ANKS3: variants seen among roughly 807,000 people sequenced by gnomAD.
ANKS3 encodes the protein ankyrin repeat and sterile alpha motif domain containing 3.
Under a neutral mutation model 80.7 loss-of-function variants are expected in ANKS3, and 62 were observed. The ratio of observed to expected loss-of-function variants is 0.77; its 90% confidence interval spans 0.63 to 0.95. The LOEUF is 0.95. Among genes scored for constraint, ANKS3 ranks in the 40% least tolerant of loss-of-function variants. ANKS3 has a pLI of 0.00. For synonymous variants in ANKS3, 489 were observed against 355.3 expected (o/e 1.38, Z -4.23); for missense variants, 1,150 against 883.6 (o/e 1.30, Z -3.82).
chr16:4,698,306 G>T lies in ANKS3; in HGVS notation c.1724+121C>A, dbSNP rs528344336. On this transcript the variant is annotated intron_variant, in intron 14 of 17. Transcript: ENST00000304283. Reference sequence around the variant, plus strand: ...GGGCCTGATGAAATGGGGGTGGGGTGGCTCCAGACCCTGAAATCCACCCCT... The same window carrying T: ...GGGCCTGATGAAATGGGGGTGGGGTTGCTCCAGACCCTGAAATCCACCCCT... 413 of 1,346,910 alleles carry T rather than the reference G, an allele frequency of 3.1e-4. 3 individuals are homozygous for T. The African/African-American group carries it at 5.2e-3, about 17-fold the overall frequency. 83.4% of individuals were successfully genotyped at this position (1,346,910 alleles called of 1,614,324 possible).
intron 5 of ANKS3, among the ~76,000 whole-genome samples, chr16:4,726,224 C>T (rs557762420): frequency 6.6e-6 from 1 of 152,274 alleles, no homozygotes; most frequent in African/African-American, 2.4e-5. Flanking sequence ...GATCTGCCTA[C>T]CTCGGCCTCC....
In ANKS3 at chr16:4,696,646, G is replaced by C. The variant is rs1011302815; in HGVS notation, c.*262C>G. On this transcript the variant is annotated 3_prime_UTR_variant, in exon 18 of 18. Transcript: ENST00000304283. ...TCCCCCCAGGGCCCTGCCTGGTATG[G>C]GCCAGGGCAGCCCATGAACTCTGGG... 17 of 299,874 alleles carry C rather than the reference G, an allele frequency of 5.7e-5. No homozygotes were observed. The highest frequency in any genetic ancestry group is 3.3e-4 in the African/African-American group (15 of 45,980). The allele number at this position is 299,874 out of a possible 1,614,324, so 18.6% of individuals were successfully genotyped here.
intron 14 of ANKS3, 149 bp from the exon 15 acceptor site, chr16:4,698,211 A>G (rs746202727): frequency 4.4e-5 from 50 of 1,129,040 alleles, no homozygotes; most frequent in African/African-American, 1.1e-4. Flanking sequence ...AGGCTGCACT[A>G]AAGAGCAGGA....
intron 6 of ANKS3, among the ~76,000 whole-genome samples, chr16:4,723,288 C>T (rs2081194498): frequency 6.6e-6 from 1 of 152,244 alleles, no homozygotes. Context: ...CCCCAATCTT[C>T]CCATTCCCCA....
Position 4,699,039 on chromosome 16 carries a change from C to T in ANKS3, c.1409+13G>A. On this transcript the variant is annotated intron_variant, in intron 12 of 17. Transcript: ENST00000304283. The stretch of plus-strand genomic sequence containing the variant: ...CCCCGGGCTGAGGGCCAGAGCGGCC[C>T]TTCTGGACGCACGTGATGCCAATTT... 4 of 1,614,168 alleles carry T rather than the reference C, an allele frequency of 2.5e-6. No homozygotes were observed. The highest frequency in any genetic ancestry group is 3.4e-6 in the Non-Finnish European group (4 of 1,180,046).
At chr16:4,714,990 CAAAAAAAAAA>C (rs753327026) in intron 6 of ANKS3, among the ~76,000 whole-genome samples, 1 of 36,616 alleles carries the variant, frequency 2.7e-5, no homozygotes, top group African/African-American at 1.5e-4. Context: ...GACTCTGTCT[CAAAAAAAAAA>C]AAAAAAAAAA....
intron 6 of ANKS3, among the ~76,000 whole-genome samples, chr16:4,723,225 A>T (rs1247191398): frequency 6.6e-6 from 1 of 152,216 alleles, no homozygotes; most frequent in African/African-American, 2.4e-5. Context: ...GGCTTCTCGT[A>T]TATTCACAGT....
chr16:4,714,400 G>C, intron 6 of ANKS3: 2 of 637,938 alleles, frequency 3.1e-6, no homozygotes, highest in Non-Finnish European at 2.6e-6. Context: ...GATGAGGAGG[G>C]CTGGGGGCTG....
chr16:4,724,472 G>A (rs532729525), intron 6 of ANKS3, among the ~76,000 whole-genome samples: 2 of 152,114 alleles, frequency 1.3e-5, no homozygotes, highest in Non-Finnish European at 2.9e-5. Context: ...TAAGTGACAG[G>A]ATTATGAGTG....
chr16:4,721,770 C>A (rs2081114467), intron 6 of ANKS3, among the ~76,000 whole-genome samples: 1 of 151,062 alleles, frequency 6.6e-6, no homozygotes, highest in Non-Finnish European at 1.5e-5. Flanking sequence ...TCCCAAGTAG[C>A]TGGGATTACA....
chr16:4,724,742 T>C lies in ANKS3; in HGVS notation c.573+8A>G, dbSNP rs780654536. On this transcript the variant is annotated splice_region_variant and intron_variant, in intron 6 of 17. Transcript: ENST00000304283. Reference sequence around the variant, plus strand: ...CTACATTACATGCTAATAATCAGGGTCACTTACGTGATTCAGAAAATACTG... The same window carrying C: ...CTACATTACATGCTAATAATCAGGGCCACTTACGTGATTCAGAAAATACTG... 1.2e-6 allele frequency: 2 copies of C among 1,611,720 alleles called. No homozygotes were observed. Among genetic ancestry groups the C allele is most frequent in the African/African-American group, 1.3e-5 (1 of 74,876 alleles).
intron 6 of ANKS3, among the ~76,000 whole-genome samples, chr16:4,718,823 T>C (rs1319325491): frequency 6.6e-6 from 1 of 152,246 alleles, no homozygotes; most frequent in Non-Finnish European, 1.5e-5. Context: ...GTTGAGTTCC[T>C]GAGTCTGATA....
At position 4,705,082 on chromosome 16, in the gene ANKS3, G is replaced by A. The variant is rs201021740; in HGVS notation, c.868+13C>T. On this transcript the variant is annotated intron_variant, in intron 8 of 17. Coordinates refer to ENST00000304283, the MANE Select transcript of ANKS3 (RefSeq NM_133450.4). ...CAATGAGAAAGAGCCCTCGGGAAACGCGGGCCACTCACCATAGCGAGGCCG... is the reference window on the plus strand; with the variant it reads ...CAATGAGAAAGAGCCCTCGGGAAACACGGGCCACTCACCATAGCGAGGCCG... 1.3e-4 allele frequency: 207 copies of A among 1,610,066 alleles called. 2 individuals carry two copies. The East Asian group carries it at 4.3e-3, about 33-fold the overall frequency.
Position 4,732,694 on chromosome 16 carries a change from A to C in ANKS3, c.-70-1115T>G, listed in dbSNP as rs940958476. Among the ~76,000 whole-genome samples, 9 of 151,598 alleles carry C rather than the reference A, an allele frequency of 5.9e-5. 1 individual carries two copies. Among genetic ancestry groups the C allele is most frequent in the Non-Finnish European group, 5.9e-5 (4 of 67,900 alleles). On this transcript the variant is annotated intron_variant, in intron 1 of 17. Coordinates refer to ENST00000304283, the MANE Select transcript of ANKS3 (RefSeq NM_133450.4). ...ATTCTGTCTCAAAAAAAAAAACAAA[A>C]AAAAAACACTAAAGTGAAAACTAAA...
At position 4,730,063 on chromosome 16, in the gene ANKS3, G is replaced by T; in HGVS notation, c.87C>A (p.Ser29Arg). 1 of 1,591,166 alleles carries T rather than the reference G, an allele frequency of 6.3e-7. No individual in the cohort carries two copies. The highest frequency in any genetic ancestry group is 8.6e-7 in the Non-Finnish European group (1 of 1,166,970). Reference protein sequence around the residue: ...SMWHGLGTQVSGEELDVPLDL... With the variant: ...SMWHGLGTQVRGEELDVPLDL... The stretch of plus-strand genomic sequence containing the variant: ...CCAGGGGGACATCCAGCTCCTCCCC[G>T]CTGACCTGTGTCCCGAGCCCGTGCC... The change falls in exon 3 of 18, where the codon AGC (serine) becomes AGA (arginine). Residue 29 changes from serine to arginine, a missense_variant. Coordinates refer to ENST00000304283, the MANE Select transcript of ANKS3 (RefSeq NM_133450.4).
Position 4,734,039 on chromosome 16 carries a change from G to A in ANKS3, c.-172C>T, listed in dbSNP as rs8049395. The A allele has an allele frequency of 1.0e-6, 1 of 984,142 alleles. No homozygotes were observed. The highest frequency in any genetic ancestry group is 1.2e-6 in the Non-Finnish European group (1 of 828,766). The allele number at this position is 984,142 out of a possible 1,614,324, so 61.0% of individuals were successfully genotyped here. ...CACCACAACCACATAAAGAAAATGTGGGGGCTCGGTCCTCCAGTCACGCGG... is the reference window on the plus strand; with the variant it reads ...CACCACAACCACATAAAGAAAATGTAGGGGCTCGGTCCTCCAGTCACGCGG... On this transcript the variant is annotated 5_prime_UTR_variant, in exon 1 of 18. Coordinates refer to ENST00000304283, the MANE Select transcript of ANKS3 (RefSeq NM_133450.4).
At chr16:4,709,941 T>C (rs760806153) in intron 7 of ANKS3, among the ~76,000 whole-genome samples, 9 of 151,860 alleles carry the variant, frequency 5.9e-5, no homozygotes, top group Non-Finnish European at 1.2e-4. Flanking sequence ...AGCCCAGGAA[T>C]TGGAGGCTGC....
chr16:4,706,261 T>C (rs959432885), intron 7 of ANKS3, among the ~76,000 whole-genome samples: 2 of 151,978 alleles, frequency 1.3e-5, no homozygotes, highest in South Asian at 4.1e-4. Context: ...GACGGAGTCT[T>C]GCTCTGTCAC....
At chr16:4,712,272 G>C (rs1233420630) in intron 7 of ANKS3, among the ~76,000 whole-genome samples, 4 of 152,062 alleles carry the variant, frequency 2.6e-5, no homozygotes, top group African/African-American at 9.7e-5. Flanking sequence ...TCGGGAGGCT[G>C]AGGCAGAAGA....
Sources: gnomAD v4.1 joint callset for allele counts (sites outside exome capture counted in the v4.1 genomes callset) on GRCh38, gnomAD v4.1.1 for gene constraint, MANE v1.5 for transcripts, NCBI Gene and HGNC (gene_info 2026-07-23, HGNC 2026-07-21) for gene names.